The following FGF13 variants were observed in gnomAD, a reference collection of about 807,000 sequenced individuals.
FGF13 encodes the protein fibroblast growth factor homologous factor 2.
In FGF13, 2 loss-of-function variants were observed where a neutral mutation model predicts 19.5. That is an observed-to-expected ratio of 0.10 (90% CI 0.04 to 0.32). FGF13 has a LOEUF of 0.32. Ranked by LOEUF, FGF13 falls within the 10% of genes least tolerant of loss-of-function variation. FGF13 has a pLI of 1.00. For synonymous variants in FGF13, 72 were observed against 76.9 expected (o/e 0.94, Z 0.33); for missense variants, 113 against 192.7 (o/e 0.59, Z 2.45).
chrX:139,178,326 G>A (rs891583475), intron 1 of FGF13, among the ~76,000 whole-genome samples: 2 of 112,356 alleles, frequency 1.8e-5, no homozygotes, highest in African/African-American at 6.5e-5. Context: ...GATGATCTCT[G>A]AGGTCACTGA....
intron 1 of FGF13, among the ~76,000 whole-genome samples, chrX:139,041,927 G>T (rs757239399): frequency 1.8e-5 from 2 of 112,122 alleles, no homozygotes; most frequent in Non-Finnish European, 3.8e-5. Flanking sequence ...GAAAGAAAAT[G>T]ATGTGCATTC....
At position 138,617,463 on chromosome X, in the gene FGF13, T is replaced by C. The variant is rs1341678562; in HGVS notation, c.*15387A>G. On this transcript the variant is annotated 3_prime_UTR_variant, in exon 5 of 5. Transcript: ENST00000315930. Reference sequence around the variant, plus strand: ...AAGTTGGAGATTGTATCAAATTTGTTAGAGGTGTGGACCAAGCCAAATTAA... The same window carrying C: ...AAGTTGGAGATTGTATCAAATTTGTCAGAGGTGTGGACCAAGCCAAATTAA... 1 of 112,145 alleles carries C rather than the reference T, an allele frequency of 8.9e-6. No homozygotes were observed. Among genetic ancestry groups the C allele is most frequent in the Non-Finnish European group, 1.9e-5 (1 of 53,252 alleles). The allele number at this position is 112,145 out of a possible 1,213,427, so 9.2% of individuals were successfully genotyped here. A position where few individuals can be genotyped will look rare whatever the true frequency, so the allele number is the denominator to read the frequency against.
chrX:139,081,436 C>G (rs982373033), intron 1 of FGF13, among the ~76,000 whole-genome samples: 1 of 111,713 alleles, frequency 9.0e-6, no homozygotes, highest in African/African-American at 3.3e-5. Flanking sequence ...GACTTTATCA[C>G]TTTTCCATCT....
chrX:138,649,179 C>T (rs769797356), intron 3 of FGF13, among the ~76,000 whole-genome samples: 1 of 111,586 alleles, frequency 9.0e-6, no homozygotes, highest in Non-Finnish European at 1.9e-5. Flanking sequence ...TTATAAGTTG[C>T]ATCATTTATT....
At chrX:139,109,159 A>G (rs993662355) in intron 1 of FGF13, among the ~76,000 whole-genome samples, 5 of 112,242 alleles carry the variant, frequency 4.5e-5, no homozygotes, top group African/African-American at 1.3e-4. Flanking sequence ...AATGAATGCA[A>G]GGAAGAACCA....
intron 1 of FGF13, among the ~76,000 whole-genome samples, chrX:139,046,500 C>A (rs1456759155): frequency 9.0e-6 from 1 of 111,489 alleles, no homozygotes; most frequent in Non-Finnish European, 1.9e-5. Flanking sequence ...AGAGGCAGCA[C>A]CCTGGGTAAA....
At chrX:138,971,513 A>T (rs1379913643) in intron 1 of FGF13, among the ~76,000 whole-genome samples, 1 of 111,800 alleles carries the variant, frequency 8.9e-6, no homozygotes, top group Non-Finnish European at 1.9e-5. Flanking sequence ...TGTCAGACAT[A>T]TGGTAAACAA....
intron 1 of FGF13, among the ~76,000 whole-genome samples, chrX:138,965,903 G>T (rs148431443): frequency 0.019 from 2,162 of 111,749 alleles, 67 homozygotes; most frequent in African/African-American, 0.066. Context: ...TGAAAGCTTT[G>T]GTTTTTATTT....
chrX:138,883,197 C>A (rs111854312), intron 1 of FGF13, among the ~76,000 whole-genome samples: 114 of 112,038 alleles, frequency 1.0e-3, no homozygotes, highest in African/African-American at 3.5e-3. Flanking sequence ...ATAAATTCAG[C>A]CTAGTGTGAA....
intron 2 of FGF13, 53 bp downstream of exon 2, chrX:138,708,765 A>ATG: frequency 1.3e-6 from 1 of 793,865 alleles, no homozygotes; most frequent in Non-Finnish European, 1.9e-6. Flanking sequence ...AATAAATAAA[A>ATG]ACAGAATGTT....
intron 1 of FGF13, among the ~76,000 whole-genome samples, chrX:138,947,298 A>C (rs774130475): frequency 8.5e-4 from 95 of 111,456 alleles, no homozygotes; most frequent in East Asian, 8.5e-4. Context: ...GCAAAAAAAA[A>C]CTTTTTTTTC....
chrX:139,078,630 T>C (rs1603186474), intron 1 of FGF13, among the ~76,000 whole-genome samples: 1 of 112,920 alleles, frequency 8.9e-6, no homozygotes, highest in Middle Eastern at 4.6e-3. Flanking sequence ...TTTGCAGGTT[T>C]CTGTCTACAT....
intron 1 of FGF13, among the ~76,000 whole-genome samples, chrX:139,021,943 A>C (rs1603133428): frequency 8.9e-6 from 1 of 112,239 alleles, no homozygotes; most frequent in Non-Finnish European, 1.9e-5. Context: ...TTGAGAATTG[A>C]TTATGTTAAG....
intron 1 of FGF13, among the ~76,000 whole-genome samples, chrX:139,034,675 T>C (rs1462121715): frequency 9.0e-6 from 1 of 111,609 alleles, no homozygotes; most frequent in African/African-American, 3.2e-5. Flanking sequence ...TCTTGAAGAC[T>C]GGGCTTATTT....
intron 1 of FGF13, among the ~76,000 whole-genome samples, chrX:139,097,272 C>A (rs187269209): frequency 7.8e-4 from 87 of 110,918 alleles, no homozygotes; most frequent in Non-Finnish European, 1.4e-3. Context: ...TGTCTTGGGA[C>A]ACACATAAAA....
intron 1 of FGF13, among the ~76,000 whole-genome samples, chrX:138,886,723 A>C (rs2091453469): frequency 8.9e-6 from 1 of 112,088 alleles, no homozygotes; most frequent in African/African-American, 3.2e-5. Context: ...CTGGCCTCTC[A>C]GTAGGCCTCT....
intron 3 of FGF13, among the ~76,000 whole-genome samples, chrX:138,769,146 T>G (rs747190861): frequency 8.9e-6 from 1 of 111,810 alleles, no homozygotes; most frequent in Non-Finnish European, 1.9e-5. Context: ...TAGGTATAAA[T>G]GGATCCTATT....
chrX:138,666,552 T>A (rs182677404), intron 3 of FGF13, among the ~76,000 whole-genome samples: 1 of 111,648 alleles, frequency 9.0e-6, no homozygotes, highest in East Asian at 2.8e-4. Context: ...TGTTGTCAAT[T>A]ATTTATTAGC....
chrX:139,164,095 T>G (rs2084058746), intron 1 of FGF13, among the ~76,000 whole-genome samples: 1 of 92,581 alleles, frequency 1.1e-5, no homozygotes, highest in Admixed American at 1.1e-4. Context: ...TGAGTTTTCT[T>G]TTTTTTTTTT....
Sources: allele counts gnomAD v4.1 joint callset (sites outside exome capture counted in the v4.1 genomes callset), GRCh38; gene constraint gnomAD v4.1.1; transcripts MANE v1.5; gene names NCBI Gene and HGNC (gene_info 2026-07-23, HGNC 2026-07-21).